The following RALGPS1 variants were observed in gnomAD, a reference collection of about 807,000 sequenced individuals.
RALGPS1 encodes the protein ras-specific guanine nucleotide-releasing factor RalGPS1.
A neutral mutation model predicts 78.8 loss-of-function variants in RALGPS1; 19 were observed. That is an observed-to-expected ratio of 0.24 (90% confidence interval 0.17 to 0.35). RALGPS1 has a LOEUF of 0.35. Ranked by LOEUF, RALGPS1 falls within the 10% of genes least tolerant of loss-of-function variation. RALGPS1 has a pLI of 1.00. For synonymous variants in RALGPS1, 228 were observed against 256.3 expected (o/e 0.89, Z 1.06); for missense variants, 454 against 688.3 (o/e 0.66, Z 3.81).
intron 4 of RALGPS1, among the ~76,000 whole-genome samples, chr9:126,980,505 A>C (rs1192946586): frequency 1.3e-5 from 2 of 152,242 alleles, no homozygotes; most frequent in African/African-American, 4.8e-5. Flanking sequence ...TGGGCACCCT[A>C]GTGGTTCCCA....
chr9:126,958,299 T>G (rs2038563465), intron 1 of RALGPS1, among the ~76,000 whole-genome samples: 2 of 151,894 alleles, frequency 1.3e-5, no homozygotes, highest in African/African-American at 4.8e-5. Flanking sequence ...AATTTATATT[T>G]CATAAAACCC....
intron 13 of RALGPS1, 148 bp downstream of exon 13, chr9:127,196,779 G>T: frequency 2.1e-6 from 2 of 969,870 alleles, no homozygotes; most frequent in Non-Finnish European, 3.0e-6. Flanking sequence ...AGAGGTGGCT[G>T]CCTGCAGGAA....
chr9:126,966,544 C>G lies in RALGPS1; in HGVS notation c.165+593C>G, dbSNP rs118108336. Among the ~76,000 whole-genome samples, 833 of 138,954 alleles carry G rather than the reference C, an allele frequency of 6.0e-3. 26 individuals carry two copies. In the East Asian group the frequency reaches 0.084, roughly 14 times the overall value. 91.2% of individuals were successfully genotyped at this position (138,954 alleles called of 152,430 possible). A position where few individuals can be genotyped will look rare whatever the true frequency, so the allele number is the denominator to read the frequency against. On this transcript the variant is annotated intron_variant, in intron 3 of 18. Transcript: ENST00000259351. Reference sequence around the variant, plus strand: ...TCAAAAAAAAAAAAAAAAAAAAAAGCATGTACAACACACATATGACATGTA... The same window carrying G: ...TCAAAAAAAAAAAAAAAAAAAAAAGGATGTACAACACACATATGACATGTA...
In RALGPS1 at chr9:127,195,230, G is replaced by A. The variant is rs756265349; in HGVS notation, c.1037+13G>A. 4 of 1,607,152 alleles carry A rather than the reference G, an allele frequency of 2.5e-6. No homozygotes were observed. The South Asian group carries it at 4.4e-5, about 18-fold the overall frequency. Reference sequence around the variant, plus strand: ...GCCTAGGCAACAAGTGGGTGACTGAGCAAGCCCTCCCGCCGGGCTTCAGAC... The same window carrying A: ...GCCTAGGCAACAAGTGGGTGACTGAACAAGCCCTCCCGCCGGGCTTCAGAC... On this transcript the variant is annotated intron_variant, in intron 12 of 18. Coordinates refer to ENST00000259351, the MANE Select transcript of RALGPS1 (RefSeq NM_014636.3).
At chr9:127,193,751 A>G (rs2061203626) in intron 11 of RALGPS1, among the ~76,000 whole-genome samples, 1 of 152,052 alleles carries the variant, frequency 6.6e-6, no homozygotes, top group South Asian at 2.1e-4. Context: ...TCCCCCCAAG[A>G]AAGTTCTCCA....
chr9:127,185,441 G>A lies in RALGPS1; in HGVS notation c.911-9650G>A, dbSNP rs567757886. Among the ~76,000 whole-genome samples the A allele has an allele frequency of 2.6e-5, 4 of 152,330 alleles. No homozygotes were observed. The South Asian group carries it at 6.2e-4, about 24-fold the overall frequency. On this transcript the variant is annotated intron_variant, in intron 11 of 18. Coordinates refer to ENST00000259351, the MANE Select transcript of RALGPS1 (RefSeq NM_014636.3). ...TCTCACGTGCACCGTGCTCAGGGCT[G>A]TCCCGTTCACTGGCTGCTCAACTGG...
intron 8 of RALGPS1, among the ~76,000 whole-genome samples, chr9:127,081,579 A>G (rs915769038): frequency 2.0e-4 from 30 of 152,360 alleles, no homozygotes; most frequent in Middle Eastern, 3.4e-3. Context: ...GGCCTCTGTC[A>G]TCACATGGCC....
chr9:127,196,399 G>A (rs1257649700), intron 12 of RALGPS1, 75 bp from the exon 13 acceptor site: 13 of 1,520,532 alleles, frequency 8.5e-6, no homozygotes, highest in East Asian at 2.3e-5. Context: ...CATCTGCTCC[G>A]GCCCCAGGCA....
intron 14 of RALGPS1, among the ~76,000 whole-genome samples, chr9:127,202,197 C>T (rs1374810355): frequency 6.6e-6 from 1 of 152,184 alleles, no homozygotes; most frequent in East Asian, 1.9e-4. Context: ...TCCTCCACAC[C>T]ACACACACCT....
intron 5 of RALGPS1, 122 bp downstream of exon 5, chr9:127,034,636 A>G (rs1053367104): frequency 4.0e-5 from 32 of 799,148 alleles, no homozygotes; most frequent in Non-Finnish European, 6.4e-5. Flanking sequence ...CCAGCTTCTC[A>G]TATGAGTCCC....
chr9:127,039,231 C>G (rs1254011427), intron 5 of RALGPS1, among the ~76,000 whole-genome samples: 1 of 151,992 alleles, frequency 6.6e-6, no homozygotes, highest in East Asian at 1.9e-4. Context: ...ACACAGGAGG[C>G]AGAGAGAGAG....
intron 11 of RALGPS1, among the ~76,000 whole-genome samples, chr9:127,191,554 C>T (rs915966426): frequency 6.6e-6 from 1 of 152,196 alleles, no homozygotes; most frequent in Non-Finnish European, 1.5e-5. Context: ...CCCAATACCA[C>T]ACTCTTTGAA....
intron 1 of RALGPS1, among the ~76,000 whole-genome samples, chr9:126,924,626 T>A (rs1444135143): frequency 2.0e-5 from 3 of 152,206 alleles, no homozygotes; most frequent in African/African-American, 7.2e-5. Flanking sequence ...TATCTGAGAT[T>A]GTGTTATGAG....
intron 4 of RALGPS1, among the ~76,000 whole-genome samples, chr9:127,010,028 T>C (rs2044201673): frequency 6.6e-6 from 1 of 152,198 alleles, no homozygotes; most frequent in African/African-American, 2.4e-5. Flanking sequence ...TTGCTTCCAT[T>C]TTCCCCAAGA....
At position 127,000,534 on chromosome 9, in the gene RALGPS1, CTTTTTTTT is replaced by C. The variant is rs1163116649; in HGVS notation, c.216+22813_216+22820del. Among the ~76,000 whole-genome samples, 5 of 33,336 alleles carry C rather than the reference CTTTTTTTT, an allele frequency of 1.5e-4. No individual in the cohort carries two copies. In the East Asian group the frequency reaches 4.0e-3, roughly 26 times the overall value. The allele number at this position is 33,336 out of a possible 152,430, so 21.9% of individuals were successfully genotyped here. ...TCCTGCTATTGATTTCTTGTCTTGT[CTTTTTTTT>C]TTTTTTTTTTTTTTTTTTTTTTTGA... On this transcript the variant is annotated intron_variant, in intron 4 of 18. Coordinates refer to ENST00000259351, the MANE Select transcript of RALGPS1 (RefSeq NM_014636.3).
At chr9:127,082,559 A>G (rs1031440467) in intron 8 of RALGPS1, among the ~76,000 whole-genome samples, 2 of 151,996 alleles carry the variant, frequency 1.3e-5, no homozygotes, top group Admixed American at 1.3e-4. Flanking sequence ...GTGACATAGG[A>G]GCTGTAGTGT....
rs1481083969 is a variant in RALGPS1 at position 127,072,930 on chromosome 9, T to G, written c.610+3574T>G. 3.3e-5 allele frequency among the ~76,000 whole-genome samples: 5 copies of G among 152,242 alleles called. No individual in the cohort carries two copies. In the South Asian group the frequency reaches 1.0e-3, roughly 31 times the overall value. Reference sequence around the variant, plus strand: ...CTATTTTATTTTTCATTTGGATTTTTTTGCCAAGTGAAGACATTATTTGTA... The same window carrying G: ...CTATTTTATTTTTCATTTGGATTTTGTTGCCAAGTGAAGACATTATTTGTA... On this transcript the variant is annotated intron_variant, in intron 8 of 18. Transcript: ENST00000259351.
At chr9:127,190,377 G>A (rs1442422942) in intron 11 of RALGPS1, among the ~76,000 whole-genome samples, 1 of 152,142 alleles carries the variant, frequency 6.6e-6, no homozygotes, top group Non-Finnish European at 1.5e-5. Context: ...AGGCTGGAGT[G>A]CAGTGGCATG....
chr9:127,169,134 G>A (rs2059438940), intron 10 of RALGPS1, among the ~76,000 whole-genome samples: 1 of 152,206 alleles, frequency 6.6e-6, no homozygotes. Flanking sequence ...CAGGCGTGGT[G>A]CTCTGGTTCT....
Sources: allele counts gnomAD v4.1 joint callset (sites outside exome capture counted in the v4.1 genomes callset), GRCh38; gene constraint gnomAD v4.1.1; transcripts MANE v1.5; gene names NCBI Gene and HGNC (gene_info 2026-07-23, HGNC 2026-07-21).